SLC25A44: variants seen among roughly 807,000 people sequenced by gnomAD.
SLC25A44 encodes the protein solute carrier family 25, member 44.
A neutral mutation model predicts 29.9 loss-of-function variants in SLC25A44; 17 were observed. The ratio of observed to expected loss-of-function variants is 0.57; its 90% CI spans 0.39 to 0.85. SLC25A44 has a LOEUF of 0.85. Among genes scored for constraint, SLC25A44 ranks in the 40% least tolerant of loss-of-function variants. The pLI, the probability that SLC25A44 is intolerant of heterozygous loss-of-function variation, is 0.00. For synonymous variants in SLC25A44, 140 were observed against 151.8 expected, an observed-to-expected ratio of 0.92 and a Z score of 0.57; for missense variants, 302 against 398.4, an observed-to-expected ratio of 0.76 and a Z score of 2.06.
chr1:156,203,334 T>C (rs934377408), intron 2 of SLC25A44, among the ~76,000 whole-genome samples: 1 of 152,248 alleles, frequency 6.6e-6, no homozygotes, highest in African/African-American at 2.4e-5. Context: ...CTTTCTGTTT[T>C]ATATTTCAGC....
intron 3 of SLC25A44, among the ~76,000 whole-genome samples, chr1:156,209,541 G>A (rs1015060537): frequency 9.9e-5 from 15 of 152,250 alleles, no homozygotes; most frequent in Middle Eastern, 3.4e-3. Context: ...CTGAGGAGTG[G>A]TTTCTAAAGG....
Position 156,199,840 on chromosome 1 carries a change from C to T in SLC25A44, c.-8C>T, listed in dbSNP as rs1319302570. 3.1e-6 allele frequency: 5 copies of T among 1,609,774 alleles called. No homozygotes were observed. The highest frequency in any genetic ancestry group is 4.2e-6 in the Non-Finnish European group (5 of 1,177,366). ...CCATACTGCTCAAATCCCAGGTCTT[C>T]AGGCACCATGGAGGACAAACGCAAC... On this transcript the variant is annotated 5_prime_UTR_variant, in exon 2 of 4. Coordinates refer to ENST00000359511, the MANE Select transcript of SLC25A44 (RefSeq NM_014655.4).
rs1260958587 is a variant in SLC25A44, at chr1:156,210,517, T to C, written c.*86T>C. 5.7e-5 allele frequency: 57 copies of C among 997,470 alleles called. 1 individual carries two copies. The South Asian group carries it at 6.0e-4, about 10-fold the overall frequency. The allele number at this position is 997,470 out of a possible 1,614,324, so 61.8% of individuals were successfully genotyped here. The stretch of plus-strand genomic sequence containing the variant: ...AGAGGACAGCACCCTCTCCAGGTGC[T>C]CCCACCACACACCCAGCCCTGCCCT... On this transcript the variant is annotated 3_prime_UTR_variant, in exon 4 of 4. Coordinates refer to ENST00000359511, the MANE Select transcript of SLC25A44 (RefSeq NM_014655.4).
chr1:156,207,740 C>A, intron 2 of SLC25A44, 146 bp from the exon 3 acceptor site: 2 of 730,586 alleles, frequency 2.7e-6, no homozygotes, highest in Non-Finnish European at 4.4e-6. Context: ...TTGAAGGAAG[C>A]AGAGAAAATA....
At chr1:156,203,657 G>GTCCC (rs951973975) in intron 2 of SLC25A44, among the ~76,000 whole-genome samples, 4 of 149,492 alleles carry the variant, frequency 2.7e-5, no homozygotes, top group Admixed American at 6.7e-5. Flanking sequence ...AAGATGTGGA[G>GTCCC]TCCCTCCCTC....
rs563077138 is a variant in SLC25A44, at chr1:156,211,673, C to G, written c.*1242C>G. 2.0e-5 allele frequency: 3 copies of G among 152,724 alleles called. No individual in the cohort carries two copies. Among genetic ancestry groups the G allele is most frequent in the Non-Finnish European group, 4.4e-5 (3 of 68,018 alleles). The allele number at this position is 152,724 out of a possible 1,614,324, so 9.5% of individuals were successfully genotyped here. ...ATACCAGGACCACTGCATTTACCAG[C>G]CTGATACTGCCAAGATTATCTGATG... On this transcript the variant is annotated 3_prime_UTR_variant, in exon 4 of 4. Coordinates refer to ENST00000359511, the MANE Select transcript of SLC25A44 (RefSeq NM_014655.4).
In SLC25A44 at chr1:156,198,632, G is replaced by A. The variant is rs1656360300; in HGVS notation, c.-13-1203G>A. The A allele has an allele frequency of 6.6e-6, 1 of 152,058 alleles. No individual in the cohort carries two copies. The highest frequency in any genetic ancestry group is 2.4e-5 in the African/African-American group (1 of 41,378). The allele number at this position is 152,058 out of a possible 1,614,324, so 9.4% of individuals were successfully genotyped here. A position where few individuals can be genotyped will look rare whatever the true frequency, so the allele number is the denominator to read the frequency against. Reference sequence around the variant, plus strand: ...CCTGGCTAACTTATTTTTATATATTGTAGAGACGGAGTCTCCCTATGTTGC... The same window carrying A: ...CCTGGCTAACTTATTTTTATATATTATAGAGACGGAGTCTCCCTATGTTGC... On this transcript the variant is annotated intron_variant, in intron 1 of 3. Transcript: ENST00000359511. This position sits in a 1 kb window ranked among gnomAD's most constrained non-coding sequence, Gnocchi z 4.1.
At chr1:156,195,473 T>C (rs1656154544) in intron 1 of SLC25A44, among the ~76,000 whole-genome samples, 1 of 152,176 alleles carries the variant, frequency 6.6e-6, no homozygotes, top group Non-Finnish European at 1.5e-5. Context: ...CGCTGACAGC[T>C]CATCCTCCGT....
rs2103051685 is a variant in SLC25A44 at position 156,207,985 on chromosome 1, C to T, written c.725C>T (p.Pro242Leu). 6.2e-7 allele frequency: 1 copy of T among 1,614,136 alleles called. No homozygotes were observed. Among genetic ancestry groups the T allele is most frequent in the Non-Finnish European group, 8.5e-7 (1 of 1,179,990 alleles). The change falls in exon 3 of 4, where the codon CCC (proline) becomes CTC (leucine). Residue 242 changes from proline (P) to leucine (L), a missense_variant. Coordinates refer to ENST00000359511, the MANE Select transcript of SLC25A44 (RefSeq NM_014655.4). ...GCCACTGCCTCCATCCTCACCAATC[C>T]CATGGATGTCATACGAACCCGTGTG... ...AAATASILTN[P>L]MDVIRTRVQV...
At chr1:156,208,739 A>C (rs573095167) in intron 3 of SLC25A44, among the ~76,000 whole-genome samples, 2 of 152,214 alleles carry the variant, frequency 1.3e-5, no homozygotes, top group African/African-American at 2.4e-5. Flanking sequence ...CCAGTAGGCC[A>C]TAAGTTCTCT....
At chr1:156,200,816 G>A (rs1219078758) in intron 2 of SLC25A44, among the ~76,000 whole-genome samples, 2 of 149,744 alleles carry the variant, frequency 1.3e-5, no homozygotes, top group South Asian at 2.1e-4. Context: ...TTTTGACTTG[G>A]ATGTTTTCCT....
chr1:156,203,434 G>C (rs1656712052), intron 2 of SLC25A44, among the ~76,000 whole-genome samples: 1 of 152,112 alleles, frequency 6.6e-6, no homozygotes, highest in Admixed American at 6.5e-5. Flanking sequence ...TTCCATGAAG[G>C]CATCTCCCTG....
In SLC25A44 at chr1:156,200,487, G is replaced by C. The variant is rs1393035566; in HGVS notation, c.625+15G>C. 1 of 1,573,450 alleles carries C rather than the reference G, an allele frequency of 6.4e-7. No homozygotes were observed. The highest frequency in any genetic ancestry group is 8.6e-7 in the Non-Finnish European group (1 of 1,158,844). On this transcript the variant is annotated intron_variant, in intron 2 of 3. Transcript: ENST00000359511. ...CTTCTATGCAGGTAAGCAGGGGCCA[G>C]GACAGTGGGGGAGGAAGGTGGGATT...
rs1394644582 is a variant in SLC25A44 at position 156,200,318 on chromosome 1, A to AC, written c.472dup (p.Gln158ProfsTer20). ...TTCAGGTGCGGGGGAACCCAGAGGG[A>AC]CAAGGGGTAGTTGCCTTTGGCCAAA... On this transcript the variant is annotated frameshift_variant, in exon 2 of 4. Transcript: ENST00000359511. LOFTEE classifies it high-confidence loss of function. 1 of 1,614,158 alleles carries AC rather than the reference A, an allele frequency of 6.2e-7. No individual in the cohort carries two copies. Among genetic ancestry groups the AC allele is most frequent in the Non-Finnish European group, 8.5e-7 (1 of 1,180,034 alleles).
At chr1:156,204,961 G>A (rs927375026) in intron 2 of SLC25A44, among the ~76,000 whole-genome samples, 14 of 152,008 alleles carry the variant, frequency 9.2e-5, no homozygotes, top group African/African-American at 3.1e-4. Flanking sequence ...CTGAGACTTG[G>A]AAGCTCTCAC....
intron 2 of SLC25A44, among the ~76,000 whole-genome samples, chr1:156,206,362 C>T (rs1359094115): frequency 1.3e-5 from 2 of 151,876 alleles, no homozygotes; most frequent in Non-Finnish European, 2.9e-5. Flanking sequence ...CTCAGCCTCC[C>T]GAATAGCTGG....
chr1:156,201,301 T>C (rs962219032), intron 2 of SLC25A44, among the ~76,000 whole-genome samples: 2 of 152,214 alleles, frequency 1.3e-5, no homozygotes, highest in Admixed American at 6.5e-5. Flanking sequence ...CCAGATTGCC[T>C]TCTCAAAGGG....
At chr1:156,199,077 T>G (rs1219903554) in intron 1 of SLC25A44, 2 of 152,298 alleles carry the variant, frequency 1.3e-5, no homozygotes, top group Non-Finnish European at 2.9e-5. Context: ...GAAGGGGAGG[T>G]TGAGGGGGGT....
intron 1 of SLC25A44, 130 bp from the exon 2 acceptor site, chr1:156,199,705 G>A: frequency 4.2e-6 from 3 of 713,068 alleles, no homozygotes; most frequent in Non-Finnish European, 6.9e-6. Context: ...ATTGGGTGGA[G>A]TCCAAGCTTT....
Sources: allele counts gnomAD v4.1 joint callset (sites outside exome capture counted in the v4.1 genomes callset), GRCh38; gene constraint gnomAD v4.1.1; non-coding constraint Gnocchi (gnomAD v3.1); transcripts MANE v1.5; gene names NCBI Gene and HGNC (gene_info 2026-07-23, HGNC 2026-07-21).